Variants in HRH1 observed in about 807,000 individuals in gnomAD.
HRH1 encodes histamine H1 receptor.
Under a neutral mutation model 10.3 loss-of-function variants are expected in HRH1, and 6 were observed. The observed-to-expected ratio is 0.58, with a 90% CI of 0.32 to 1.15. The LOEUF is 1.15. HRH1 is among the 50% of genes most tolerant of loss of function. The probability of loss-of-function intolerance (pLI) is 0.05; values close to 1 mark genes in which losing one functional copy is unlikely to be tolerated. For synonymous variants in HRH1, 242 were observed against 236.7 expected, an observed-to-expected ratio of 1.02 and a Z score of -0.21; for missense variants, 514 against 615.3, an observed-to-expected ratio of 0.84 and a Z score of 1.74.
chr3:11,229,209 C>A (rs1938979257), intron 1 of HRH1, among the ~76,000 whole-genome samples: 1 of 152,024 alleles, frequency 6.6e-6, no homozygotes, highest in Non-Finnish European at 1.5e-5. Context: ...TGAAATAGGC[C>A]CATAAGGAGA....
At chr3:11,203,175 C>A (rs1937994655) in intron 1 of HRH1, among the ~76,000 whole-genome samples, 1 of 152,210 alleles carries the variant, frequency 6.6e-6, no homozygotes, top group African/African-American at 2.4e-5. Flanking sequence ...TACTTGCCTC[C>A]AAGCTTTGGC....
At chr3:11,157,955 A>G (rs1303702144) in intron 1 of HRH1, among the ~76,000 whole-genome samples, 2 of 152,214 alleles carry the variant, frequency 1.3e-5, no homozygotes, top group South Asian at 2.1e-4. Context: ...CAACCATAAT[A>G]TCAGCTCTAA....
chr3:11,260,018 C>T lies in HRH1; in HGVS notation c.981C>T (p.Ser327=). The change falls in exon 2 of 2, where the codon AGC becomes AGT. Residue 327 remains serine (S), a synonymous_variant. Transcript: ENST00000431010. The part of the protein sequence containing the change: ...SSRDYVAVNR[S]HGQLKTDEQG... ...GGGACTATGTAGCCGTCAACCGGAGCCATGGCCAGCTCAAGACAGATGAGC... is the reference window on the plus strand; with the variant it reads ...GGGACTATGTAGCCGTCAACCGGAGTCATGGCCAGCTCAAGACAGATGAGC... 1 of 1,614,084 alleles carries T rather than the reference C, an allele frequency of 6.2e-7. No individual in the cohort carries two copies. The highest frequency in any genetic ancestry group is 8.5e-7 in the Non-Finnish European group (1 of 1,180,018).
chr3:11,217,986 T>G (rs757933532), intron 1 of HRH1, among the ~76,000 whole-genome samples: 10 of 152,138 alleles, frequency 6.6e-5, no homozygotes, highest in Non-Finnish European at 1.5e-4. Context: ...GTCAGCAATG[T>G]CAGGCCAAGG....
At chr3:11,195,476 A>C (rs749865517) in intron 1 of HRH1, among the ~76,000 whole-genome samples, 12 of 152,182 alleles carry the variant, frequency 7.9e-5, no homozygotes, top group Admixed American at 6.5e-4. Context: ...CACCACTGGA[A>C]GTTCCCTCCA....
At chr3:11,234,550 A>G (rs1019985324) in intron 1 of HRH1, 3 of 1,404,018 alleles carry the variant, frequency 2.1e-6, no homozygotes, top group African/African-American at 1.4e-5. Context: ...CTTCATTGGT[A>G]GTATCAATCC....
rs116281296 is a variant in HRH1 at position 11,141,771 on chromosome 3, T to C, written c.-36+4372T>C. 2.1e-3 allele frequency among the ~76,000 whole-genome samples: 319 copies of C among 152,318 alleles called. 2 individuals are homozygous for C. The highest frequency in any genetic ancestry group is 7.4e-3 in the African/African-American group (308 of 41,572). Reference sequence around the variant, plus strand: ...CATGGAAATCAGCCCTAATTCAGTGTGGGTTACCCAAGAACATGAATACCA... The same window carrying C: ...CATGGAAATCAGCCCTAATTCAGTGCGGGTTACCCAAGAACATGAATACCA... On this transcript the variant is annotated intron_variant, in intron 1 of 1. Coordinates refer to the HRH1 transcript ENST00000438284.
chr3:11,185,767 C>T (rs1265797303), intron 1 of HRH1, among the ~76,000 whole-genome samples: 1 of 152,114 alleles, frequency 6.6e-6, no homozygotes, highest in Non-Finnish European at 1.5e-5. Context: ...GTAAACCCTG[C>T]GGTGTCGTGT....
chr3:11,242,197 C>G (rs1464793629), intron 1 of HRH1, among the ~76,000 whole-genome samples: 1 of 152,028 alleles, frequency 6.6e-6, no homozygotes, highest in Non-Finnish European at 1.5e-5. Flanking sequence ...AGCTCTAACA[C>G]TTGGCCGGGT....
chr3:11,178,756 C>CT (rs555458331), intron 1 of HRH1, among the ~76,000 whole-genome samples: 6 of 152,272 alleles, frequency 3.9e-5, no homozygotes, highest in Admixed American at 2.6e-4. Context: ...CACCCAGACC[C>CT]TTTCTGCTTT....
chr3:11,148,077 G>A (rs746328691), intron 1 of HRH1, among the ~76,000 whole-genome samples: 56 of 151,854 alleles, frequency 3.7e-4, no homozygotes, highest in Non-Finnish European at 3.5e-4. Context: ...CTACTCAAGA[G>A]GCTGAGGCAG....
intron 1 of HRH1, among the ~76,000 whole-genome samples, chr3:11,181,327 C>A (rs1272456581): frequency 1.3e-5 from 2 of 152,190 alleles, no homozygotes; most frequent in African/African-American, 4.8e-5. Flanking sequence ...TACAATATAT[C>A]ATTCATGTAT....
chr3:11,147,862 G>A (rs890112335), intron 1 of HRH1, among the ~76,000 whole-genome samples: 13 of 151,976 alleles, frequency 8.6e-5, no homozygotes, highest in Non-Finnish European at 1.3e-4. Flanking sequence ...CTGTTTCCAC[G>A]CTCCCTGCCT....
chr3:11,227,662 C>T (rs1168127794), intron 1 of HRH1, among the ~76,000 whole-genome samples: 2 of 152,198 alleles, frequency 1.3e-5, no homozygotes, highest in Non-Finnish European at 2.9e-5. Context: ...TGCACCTGAG[C>T]ATCTTCCTTT....
chr3:11,193,803 C>G (rs557331885), intron 1 of HRH1, among the ~76,000 whole-genome samples: 1 of 152,256 alleles, frequency 6.6e-6, no homozygotes, highest in South Asian at 2.1e-4. Flanking sequence ...TCAGGCCTCT[C>G]GTGTAAGAGC....
Position 11,259,070 on chromosome 3 carries a change from A to C in HRH1, c.33A>C (p.Glu11Asp). 1 of 1,609,098 alleles carries C rather than the reference A, an allele frequency of 6.2e-7. No individual in the cohort carries two copies. The highest frequency in any genetic ancestry group is 8.5e-7 in the Non-Finnish European group (1 of 1,177,560). The change falls in exon 2 of 2, where the codon GAA becomes GAC. Residue 11 changes from glutamate (E) to aspartate (D), a missense_variant. Physicochemically the swap from Glu to Asp is conservative, Grantham distance 45. Coordinates refer to ENST00000431010, the MANE Select transcript of HRH1 (RefSeq NM_001098212.2). The surrounding 1 kb of genome is among the most constrained non-coding windows in gnomAD (Gnocchi z 4.6). MSLPNSSCLL[E>D]DKMCEGNKTT... Reference sequence around the variant, plus strand: ...TCCCCAATTCCTCCTGCCTCTTAGAAGACAAGATGTGTGAGGGCAACAAGA... The same window carrying C: ...TCCCCAATTCCTCCTGCCTCTTAGACGACAAGATGTGTGAGGGCAACAAGA...
At chr3:11,204,855 A>G (rs112479154) in intron 1 of HRH1, among the ~76,000 whole-genome samples, 1,720 of 152,256 alleles carry the variant, frequency 0.011, 14 homozygotes, top group Non-Finnish European at 0.018. Flanking sequence ...TGGATGTACC[A>G]GGTGCAGTCC....
intron 1 of HRH1, among the ~76,000 whole-genome samples, chr3:11,207,335 C>A (rs1393353344): frequency 6.6e-6 from 1 of 151,902 alleles, no homozygotes. Context: ...GAGGCCAAGG[C>A]GGGTGGATCA....
chr3:11,250,865 G>A (rs894896971), intron 1 of HRH1, among the ~76,000 whole-genome samples: 30 of 152,216 alleles, frequency 2.0e-4, no homozygotes, highest in East Asian at 5.8e-4. Flanking sequence ...GTTTTTCTGC[G>A]CACTCTGAAA....
Sources: gnomAD v4.1 joint callset for allele counts (sites outside exome capture counted in the v4.1 genomes callset) on GRCh38, gnomAD v4.1.1 for gene constraint, Gnocchi (gnomAD v3.1) non-coding constraint, MANE v1.5 for transcripts, NCBI Gene and HGNC (gene_info 2026-07-23, HGNC 2026-07-21) for gene names.